ART3: variants seen among roughly 807,000 people sequenced by gnomAD.
ART3 encodes ecto-ADP-ribosyltransferase 3.
In ART3, 49 loss-of-function variants were observed where a neutral mutation model predicts 48.5. The ratio of observed to expected loss-of-function variants is 1.01; its 90% CI spans 0.80 to 1.28. The LOEUF is 1.28. Ranked by LOEUF, ART3 falls within the 50% of genes most tolerant of loss-of-function variation. The pLI, the probability that ART3 is intolerant of heterozygous loss-of-function variation, is 0.00. For synonymous variants in ART3, 145 were observed against 157.2 expected, an observed-to-expected ratio of 0.92 and a Z score of 0.58; for missense variants, 438 against 454.3, an observed-to-expected ratio of 0.96 and a Z score of 0.33.
At chr4:76,070,428 A>G (rs1231162276), upstream of ART3, among the ~76,000 whole-genome samples, 1 of 152,214 alleles carries the variant, frequency 6.6e-6, no homozygotes, top group Non-Finnish European at 1.5e-5. Context: ...TGATGCTAAT[A>G]ATGTTGAACA....
At position 76,050,013 on chromosome 4, in the gene ART3, G is replaced by A. The variant is rs557204181; in HGVS notation, c.-9-25868G>A. On this transcript the variant is annotated intron_variant, in intron 1 of 9. Coordinates refer to the ART3 transcript ENST00000341029. ...TGAGTGTTACAGCTCTTAAGGCGGC[G>A]CGTCTGGAGTTGTTCGTTCCTCCCG... 8.6e-4 allele frequency among the ~76,000 whole-genome samples: 131 copies of A among 151,822 alleles called. 2 individuals are homozygous for A. Among genetic ancestry groups the A allele is most frequent in the African/African-American group, 2.9e-3 (121 of 41,456 alleles).
intron 10 of ART3, among the ~76,000 whole-genome samples, chr4:76,106,585 CATT>C (rs1728525235): frequency 6.6e-6 from 1 of 152,148 alleles, no homozygotes; most frequent in African/African-American, 2.4e-5. Context: ...TCCCATACAT[CATT>C]CTGCAGCTGC....
chr4:76,101,715 G>T (rs1410484139), intron 8 of ART3, among the ~76,000 whole-genome samples: 1 of 152,042 alleles, frequency 6.6e-6, no homozygotes, highest in African/African-American at 2.4e-5. Flanking sequence ...TCGCGCCACT[G>T]CACTCTAGCC....
chr4:76,092,529 C>T (rs948670023), intron 3 of ART3, among the ~76,000 whole-genome samples: 1 of 152,156 alleles, frequency 6.6e-6, no homozygotes, highest in Admixed American at 6.5e-5. Flanking sequence ...CTTTATTTAG[C>T]TCCCCTGCTC....
At chr4:76,106,630 CCTAA>C (rs1163500386) in intron 10 of ART3, among the ~76,000 whole-genome samples, 1 of 152,126 alleles carries the variant, frequency 6.6e-6, no homozygotes, top group Non-Finnish European at 1.5e-5. Flanking sequence ...TTTTAGCTTC[CCTAA>C]CTTAGTGCAC....
chr4:76,088,586 CT>C (rs1168973290), intron 3 of ART3, among the ~76,000 whole-genome samples: 1 of 152,158 alleles, frequency 6.6e-6, no homozygotes, highest in Non-Finnish European at 1.5e-5. Context: ...TGTTAAGTAT[CT>C]CCATTGGTTC....
chr4:76,072,274 A>G (rs781374946), upstream of ART3, among the ~76,000 whole-genome samples: 17 of 152,222 alleles, frequency 1.1e-4, no homozygotes, highest in Middle Eastern at 3.2e-3. Flanking sequence ...TTGAAAATAC[A>G]GTAGACTTTT....
rs74885947 is a variant in ART3, at chr4:76,036,143, T to C, written c.-10+24823T>C. Reference sequence around the variant, plus strand: ...GCAATCCTTTTATGGCACAGGAATTTCCCTCTTTGAGTCATGCACCTTTCC... The same window carrying C: ...GCAATCCTTTTATGGCACAGGAATTCCCCTCTTTGAGTCATGCACCTTTCC... On this transcript the variant is annotated intron_variant, in intron 1 of 9. Coordinates refer to the ART3 transcript ENST00000341029. 108 of 629,914 alleles carry C rather than the reference T, an allele frequency of 1.7e-4. No homozygotes were observed. The African/African-American group carries it at 1.8e-3, about 11-fold the overall frequency. 39.0% of individuals were successfully genotyped at this position (629,914 alleles called of 1,614,324 possible).
chr4:76,040,266 A>G (rs995723193), intron 1 of ART3, among the ~76,000 whole-genome samples: 3 of 152,318 alleles, frequency 2.0e-5, no homozygotes, highest in East Asian at 1.9e-4. Context: ...CGGAAGTTGC[A>G]GCGAGCCAAG....
At chr4:76,103,281 G>A (rs575204256) in intron 8 of ART3, among the ~76,000 whole-genome samples, 1 of 152,060 alleles carries the variant, frequency 6.6e-6, no homozygotes, top group Non-Finnish European at 1.5e-5. Context: ...TTTGGGAGGC[G>A]TAGGCAGGAG....
intron 1 of ART3, among the ~76,000 whole-genome samples, chr4:76,046,830 T>A (rs1168285364): frequency 6.6e-6 from 1 of 152,076 alleles, no homozygotes; most frequent in Non-Finnish European, 1.5e-5. Flanking sequence ...GAGAAATACC[T>A]GGTTACAGGC....
intron 1 of ART3, among the ~76,000 whole-genome samples, chr4:76,050,594 G>A (rs867425877): frequency 2.8e-4 from 42 of 152,206 alleles, no homozygotes; most frequent in African/African-American, 8.2e-4. Context: ...CTGGCTTCAC[G>A]CAGTGGATCC....
intron 1 of ART3, among the ~76,000 whole-genome samples, chr4:76,068,364 C>CAA (rs1719949906): frequency 6.6e-6 from 1 of 152,044 alleles, no homozygotes; most frequent in Non-Finnish European, 1.5e-5. Flanking sequence ...TATTGAGATA[C>CAA]AATTCACATA....
At position 76,069,095 on chromosome 4, in the gene ART3, A is replaced by G. The variant is rs561286500; in HGVS notation, c.-9-6786A>G. Among the ~76,000 whole-genome samples, 185 of 152,260 alleles carry G rather than the reference A, an allele frequency of 1.2e-3. 2 individuals carry two copies. Among genetic ancestry groups the G allele is most frequent in the African/African-American group, 1.8e-3 (75 of 41,502 alleles). ...TCATAAAAAATTACATACTGACTGTATGATAATAGTTAACATGTCATGCTG... is the reference window on the plus strand; with the variant it reads ...TCATAAAAAATTACATACTGACTGTGTGATAATAGTTAACATGTCATGCTG... On this transcript the variant is annotated intron_variant, in intron 1 of 9. Transcript: ENST00000341029.
At chr4:76,036,820 G>A (rs1431848551) in intron 1 of ART3, 10 of 246,100 alleles carry the variant, frequency 4.1e-5, no homozygotes, top group Non-Finnish European at 6.9e-5. Flanking sequence ...CCTTCTCTTG[G>A]TGCAGATGTT....
intron 3 of ART3, among the ~76,000 whole-genome samples, chr4:76,091,166 T>G (rs762376432): frequency 1.3e-5 from 2 of 152,242 alleles, no homozygotes; most frequent in Non-Finnish European, 2.9e-5. Context: ...CGTGGGTTGT[T>G]TCCAGTCCTT....
chr4:76,108,265 G>A (rs755169033), intron 11 of ART3, among the ~76,000 whole-genome samples: 1 of 152,010 alleles, frequency 6.6e-6, no homozygotes, highest in African/African-American at 2.4e-5. Context: ...ATAAATTTGG[G>A]TTGAAGAGAA....
intron 1 of ART3, among the ~76,000 whole-genome samples, chr4:76,068,470 T>C (rs537384960): frequency 6.6e-6 from 1 of 152,354 alleles, no homozygotes; most frequent in Non-Finnish European, 1.5e-5. Context: ...GATTATGTCC[T>C]CTACAGGAAC....
intron 3 of ART3, among the ~76,000 whole-genome samples, chr4:76,086,696 A>G (rs536187484): frequency 4.6e-5 from 7 of 152,362 alleles, no homozygotes; most frequent in African/African-American, 1.2e-4. Context: ...TCATGGTTTC[A>G]TGTAAACCTT....
Sources: gnomAD v4.1 joint callset for allele counts (sites outside exome capture counted in the v4.1 genomes callset) on GRCh38, gnomAD v4.1.1 for gene constraint, MANE v1.5 for transcripts, NCBI Gene and HGNC (gene_info 2026-07-23, HGNC 2026-07-21) for gene names.